Variants in SNTG1 observed in about 807,000 individuals in gnomAD.
SNTG1 encodes syntrophin gamma 1.
SNTG1 carries 39 observed loss-of-function variants against 74.7 expected under a neutral mutation model. The ratio of observed to expected loss-of-function variants is 0.52; its 90% CI spans 0.40 to 0.68. SNTG1 has a LOEUF of 0.68. Ranked by LOEUF, SNTG1 falls within the 30% of genes least tolerant of loss-of-function variation. The pLI is 0.00. For missense variants in SNTG1, 685 were observed against 609.5 expected (o/e 1.12, Z -1.30); for synonymous variants, 254 against 217.1 (o/e 1.17, Z -1.49).
rs2095696927 is a variant in SNTG1 at position 50,793,424 on chromosome 8, C to A, written c.*595C>A. 1.3e-5 allele frequency: 2 copies of A among 151,888 alleles called. No homozygotes were observed. The highest frequency in any genetic ancestry group is 4.8e-5 in the African/African-American group (2 of 41,404). The allele number at this position is 151,888 out of a possible 1,614,324, so 9.4% of individuals were successfully genotyped here. Reference sequence around the variant, plus strand: ...TTGTTTTTATCTTATTGTAAATATTCCGAAGAACTTCCAAAGGATAATTAC... The same window carrying A: ...TTGTTTTTATCTTATTGTAAATATTACGAAGAACTTCCAAAGGATAATTAC... On this transcript the variant is annotated 3_prime_UTR_variant, in exon 19 of 19. Coordinates refer to ENST00000642720, the MANE Select transcript of SNTG1 (RefSeq NM_018967.5).
chr8:49,968,864 A>G (rs1333736309), intron 1 of SNTG1, among the ~76,000 whole-genome samples: 1 of 152,174 alleles, frequency 6.6e-6, no homozygotes, highest in African/African-American at 2.4e-5. Context: ...ACTGGGGATG[A>G]CAGATCTTTC....
Position 50,794,955 on chromosome 8 carries a change from T to C in SNTG1, c.*2126T>C, listed in dbSNP as rs756179890. On this transcript the variant is annotated 3_prime_UTR_variant, in exon 19 of 19. Transcript: ENST00000642720. Reference sequence around the variant, plus strand: ...AGTGTTATTATGAAAATTTAGCCTATGCTCATGTGTGTTACGAAGGAAAAG... The same window carrying C: ...AGTGTTATTATGAAAATTTAGCCTACGCTCATGTGTGTTACGAAGGAAAAG... 3.3e-5 allele frequency: 5 copies of C among 152,030 alleles called. No individual in the cohort carries two copies. Among genetic ancestry groups the C allele is most frequent in the Non-Finnish European group, 7.4e-5 (5 of 67,964 alleles). 9.4% of individuals were successfully genotyped at this position (152,030 alleles called of 1,614,324 possible).
chr8:50,371,000 A>T (rs1041078279), intron 2 of SNTG1, among the ~76,000 whole-genome samples: 1 of 152,138 alleles, frequency 6.6e-6, no homozygotes, highest in Non-Finnish European at 1.5e-5. Context: ...TGATAGGATA[A>T]TTGAAACATG....
chr8:50,220,706 T>A (rs4143633), intron 2 of SNTG1, among the ~76,000 whole-genome samples: 74,958 of 152,038 alleles, frequency 0.49, 23,123 homozygotes, highest in African/African-American at 0.88. Context: ...AGGAAGAGGG[T>A]TGTGGCCCTG....
At chr8:50,510,795 T>G (rs2094064302) in intron 9 of SNTG1, among the ~76,000 whole-genome samples, 1 of 152,112 alleles carries the variant, frequency 6.6e-6, no homozygotes, top group Non-Finnish European at 1.5e-5. Context: ...ATCTATTTGA[T>G]TCTTCTCTCT....
chr8:50,727,141 G>A (rs2095502155), intron 17 of SNTG1, among the ~76,000 whole-genome samples: 1 of 152,138 alleles, frequency 6.6e-6, no homozygotes, highest in African/African-American at 2.4e-5. Flanking sequence ...TAATGATAAT[G>A]ATGACATAGA....
chr8:50,093,151 G>T (rs1227499948), intron 1 of SNTG1, among the ~76,000 whole-genome samples: 1 of 151,958 alleles, frequency 6.6e-6, no homozygotes, highest in Non-Finnish European at 1.5e-5. Flanking sequence ...CTAAGGAAGG[G>T]TTTGCCAAAC....
At chr8:50,646,211 A>T (rs2095108092) in intron 13 of SNTG1, among the ~76,000 whole-genome samples, 2 of 152,146 alleles carry the variant, frequency 1.3e-5, no homozygotes, top group South Asian at 4.1e-4. Flanking sequence ...TCATTAATAC[A>T]CAGCCTTACC....
At chr8:50,452,368 A>T (rs7016686) in intron 8 of SNTG1, among the ~76,000 whole-genome samples, 2 of 152,218 alleles carry the variant, frequency 1.3e-5, no homozygotes, top group East Asian at 3.8e-4. Context: ...GCAGATTCCT[A>T]TGTAAATTTT....
chr8:49,929,532 A>T (rs1807357939), intron 1 of SNTG1, among the ~76,000 whole-genome samples: 1 of 152,170 alleles, frequency 6.6e-6, no homozygotes, highest in Admixed American at 6.5e-5. Context: ...ACTCAGGGAC[A>T]TCCTCTGACC....
chr8:49,973,651 A>G (rs1811927492), intron 1 of SNTG1, among the ~76,000 whole-genome samples: 1 of 152,210 alleles, frequency 6.6e-6, no homozygotes, highest in Non-Finnish European at 1.5e-5. Flanking sequence ...AGCAAGGAAT[A>G]AAAATGAAAA....
At chr8:50,779,745 AT>A (rs1384837130) in intron 18 of SNTG1, among the ~76,000 whole-genome samples, 1 of 139,584 alleles carries the variant, frequency 7.2e-6, no homozygotes, top group East Asian at 2.0e-4. Flanking sequence ...ACTATGTTGA[AT>A]AGGAGTGGTG....
chr8:49,962,271 C>A (rs1416572257), intron 1 of SNTG1, among the ~76,000 whole-genome samples: 1 of 150,786 alleles, frequency 6.6e-6, no homozygotes, highest in African/African-American at 2.4e-5. Flanking sequence ...CTGGGGCATG[C>A]AGGAAGCTGA....
intron 1 of SNTG1, among the ~76,000 whole-genome samples, chr8:49,932,521 A>C (rs570457036): frequency 1.3e-5 from 2 of 152,068 alleles, no homozygotes; most frequent in South Asian, 2.1e-4. Context: ...GTTTCTATCC[A>C]TCTCAAACTA....
intron 17 of SNTG1, among the ~76,000 whole-genome samples, chr8:50,711,355 A>G (rs984398268): frequency 1.3e-5 from 2 of 152,192 alleles, no homozygotes; most frequent in African/African-American, 2.4e-5. Flanking sequence ...CTTTAGCTGA[A>G]CATGCTTTGT....
chr8:50,695,803 T>A (rs2095402777), intron 15 of SNTG1, among the ~76,000 whole-genome samples: 1 of 151,588 alleles, frequency 6.6e-6, no homozygotes, highest in South Asian at 2.1e-4. Context: ...GACATAATTG[T>A]ATTCTTTTTA....
Position 50,468,643 on chromosome 8 carries a change from CTG to C in SNTG1, c.363+17915_363+17916del, listed in dbSNP as rs2093628141. Among the ~76,000 whole-genome samples, 5 of 152,198 alleles carry C rather than the reference CTG, an allele frequency of 3.3e-5. No individual in the cohort carries two copies. The South Asian group carries it at 1.0e-3, about 32-fold the overall frequency. ...TTCAAATATAAAGTTATTGATGTAA[CTG>C]AATTAATATCCACCATGTTTGTAAT... is the stretch of plus-strand genomic sequence containing the variant. On this transcript the variant is annotated intron_variant, in intron 8 of 18. Coordinates refer to ENST00000642720, the MANE Select transcript of SNTG1 (RefSeq NM_018967.5).
At chr8:50,041,945 T>G (rs1818674882) in intron 1 of SNTG1, among the ~76,000 whole-genome samples, 1 of 152,188 alleles carries the variant, frequency 6.6e-6, no homozygotes, top group Non-Finnish European at 1.5e-5. Context: ...CTTTTGAATA[T>G]CTCTATCTTG....
chr8:49,993,579 A>G (rs1357018791), intron 1 of SNTG1, among the ~76,000 whole-genome samples: 2 of 152,000 alleles, frequency 1.3e-5, no homozygotes. Flanking sequence ...CCGAAAGGCC[A>G]AGTGTGTGTG....
Sources: allele counts gnomAD v4.1 joint callset (sites outside exome capture counted in the v4.1 genomes callset), GRCh38; gene constraint gnomAD v4.1.1; transcripts MANE v1.5; gene names NCBI Gene and HGNC (gene_info 2026-07-23, HGNC 2026-07-21).